Variants in RAPGEF6 observed in about 807,000 individuals in gnomAD.
RAPGEF6 encodes the protein PDZ domain containing guanine nucleotide exchange factor (GEF) 2.
In RAPGEF6, 56 loss-of-function variants were observed where a neutral mutation model predicts 171.4. The observed-to-expected ratio is 0.33, with a 90% CI of 0.26 to 0.41. RAPGEF6 has a LOEUF of 0.41. Ranked by LOEUF, RAPGEF6 falls within the 10% of genes least tolerant of loss-of-function variation. RAPGEF6 has a pLI of 1.00. For missense variants in RAPGEF6, 1,674 were observed against 1,921.4 expected, an observed-to-expected ratio of 0.87 and a Z score of 2.41; for synonymous variants, 692 against 650.1, an observed-to-expected ratio of 1.06 and a Z score of -0.98.
At chr5:131,594,016 C>A (rs1763741217) in intron 3 of RAPGEF6, among the ~76,000 whole-genome samples, 2 of 152,158 alleles carry the variant, frequency 1.3e-5, no homozygotes, top group African/African-American at 4.8e-5. Context: ...TGTTAATAGC[C>A]AACACAATGG....
intron 6 of RAPGEF6, among the ~76,000 whole-genome samples, chr5:131,534,103 C>T (rs1373409878): frequency 6.6e-6 from 1 of 151,904 alleles, no homozygotes; most frequent in Non-Finnish European, 1.5e-5. Flanking sequence ...AATCACTGAA[C>T]AAATCAAAGC....
At chr5:131,601,152 G>A (rs1300509435) in intron 3 of RAPGEF6, among the ~76,000 whole-genome samples, 1 of 151,420 alleles carries the variant, frequency 6.6e-6, no homozygotes, top group Middle Eastern at 3.2e-3. Context: ...GGGAGGCCGA[G>A]GCGGGTGGAT....
intron 4 of RAPGEF6, among the ~76,000 whole-genome samples, chr5:131,562,704 T>C (rs1761680266): frequency 6.6e-6 from 1 of 152,180 alleles, no homozygotes; most frequent in Non-Finnish European, 1.5e-5. Context: ...TAAATAGTTG[T>C]TATGCTTTAT....
At chr5:131,513,083 C>T (rs1757847652) in intron 7 of RAPGEF6, among the ~76,000 whole-genome samples, 1 of 152,150 alleles carries the variant, frequency 6.6e-6, no homozygotes, top group African/African-American at 2.4e-5. Flanking sequence ...TGTTTACTGG[C>T]TATGAAATTA....
At chr5:131,578,965 C>G (rs1762764624) in intron 4 of RAPGEF6, among the ~76,000 whole-genome samples, 1 of 152,154 alleles carries the variant, frequency 6.6e-6, no homozygotes, top group East Asian at 1.9e-4. Flanking sequence ...TCACTAACTT[C>G]AAGAATGAAG....
chr5:131,516,748 T>A (rs534070951), intron 7 of RAPGEF6, among the ~76,000 whole-genome samples: 3 of 152,316 alleles, frequency 2.0e-5, no homozygotes, highest in African/African-American at 7.2e-5. Context: ...CAGAAAATAT[T>A]CTATCTAAGA....
At chr5:131,482,276 A>ATG (rs141980105) in intron 15 of RAPGEF6, among the ~76,000 whole-genome samples, 114,741 of 151,010 alleles carry the variant, frequency 0.76, 43,823 homozygotes, top group Middle Eastern at 0.82. Flanking sequence ...ACGTGTGTGT[A>ATG]TGTGTGTGTG....
intron 1 of RAPGEF6, among the ~76,000 whole-genome samples, chr5:131,607,923 A>G (rs1194535438): frequency 2.6e-5 from 4 of 152,222 alleles, no homozygotes; most frequent in African/African-American, 9.6e-5. Context: ...AGACAAATAT[A>G]TAAAACGTTT....
chr5:131,594,571 C>A (rs1034567517), intron 3 of RAPGEF6, among the ~76,000 whole-genome samples: 1 of 152,222 alleles, frequency 6.6e-6, no homozygotes, highest in African/African-American at 2.4e-5. Context: ...GGGCCATTGT[C>A]CTTCAGACCC....
chr5:131,432,393 C>T (rs368743615), intron 25 of RAPGEF6, among the ~76,000 whole-genome samples: 7 of 151,976 alleles, frequency 4.6e-5, no homozygotes, highest in South Asian at 2.1e-4. Context: ...CCGAGGCGGG[C>T]GGATCACGAG....
intron 21 of RAPGEF6, among the ~76,000 whole-genome samples, chr5:131,452,804 C>T (rs1265207003): frequency 3.9e-5 from 6 of 152,118 alleles, no homozygotes; most frequent in Non-Finnish European, 5.9e-5. Context: ...GAACTATCCA[C>T]ATACAAATAT....
At position 131,430,889 on chromosome 5, in the gene RAPGEF6, C is replaced by CAG; in HGVS notation, c.4433_4434dup (p.Val1479LeufsTer10). On this transcript the variant is annotated frameshift_variant, in exon 26 of 28. Transcript: ENST00000509018. LOFTEE classifies it high-confidence loss of function. ...AAGCCCTTTTCTGTACTTGAAGTGA[C>CAG]AGTTTTATAAACTGGGTCAGTGGCA... The CAG allele has an allele frequency of 6.2e-7, 1 of 1,606,634 alleles. No homozygotes were observed. The highest frequency in any genetic ancestry group is 8.5e-7 in the Non-Finnish European group (1 of 1,177,586).
intron 1 of RAPGEF6, among the ~76,000 whole-genome samples, chr5:131,628,614 G>C (rs1375830495): frequency 2.0e-5 from 3 of 152,148 alleles, no homozygotes; most frequent in Non-Finnish European, 4.4e-5. Context: ...CCTTATATCA[G>C]AAGAAGATGC....
Position 131,635,007 on chromosome 5 carries a change from G to T in RAPGEF6, c.24C>A (p.Gly8=), listed in dbSNP as rs1458584323. Residue 8 remains glycine, a synonymous_variant, in exon 1 of 28, where the codon GGC becomes GGA. Transcript: ENST00000509018. MNSPVDP[G]ARQALRKKPP... is the part of the protein sequence containing the mutation. ...GCTTCTTCCTCAACGCCTGCCTAGC[G>T]CCAGGGTCCACGGGTGAGTTCATGG... is the stretch of plus-strand genomic sequence containing the variant. 3 of 1,613,580 alleles carry T rather than the reference G, an allele frequency of 1.9e-6. No individual in the cohort carries two copies.
At chr5:131,459,461 G>A (rs1229610944) in intron 19 of RAPGEF6, among the ~76,000 whole-genome samples, 1 of 151,992 alleles carries the variant, frequency 6.6e-6, no homozygotes, top group East Asian at 1.9e-4. Flanking sequence ...TGCCAACACT[G>A]GATTCAAACC....
At chr5:131,606,029 C>CAAAAAAAAAAAAAAAAAAAAAA (rs1168486376) in intron 1 of RAPGEF6, among the ~76,000 whole-genome samples, 1 of 70,590 alleles carries the variant, frequency 1.4e-5, no homozygotes, top group Non-Finnish European at 2.3e-5. Flanking sequence ...GACTCCATCT[C>CAAAAAAAAAAAAAAAAAAAAAA]AAAAAAAAAA....
chr5:131,620,232 T>A (rs1176834460), intron 1 of RAPGEF6, among the ~76,000 whole-genome samples: 1 of 152,238 alleles, frequency 6.6e-6, no homozygotes, highest in African/African-American at 2.4e-5. Context: ...TTTTATTCAC[T>A]AGAGACTCTC....
intron 1 of RAPGEF6, among the ~76,000 whole-genome samples, chr5:131,619,646 C>T (rs1765490311): frequency 6.6e-6 from 1 of 152,174 alleles, no homozygotes; most frequent in African/African-American, 2.4e-5. Flanking sequence ...TCCTACCATG[C>T]ATTATGAAGT....
intron 24 of RAPGEF6, 114 bp downstream of exon 24, chr5:131,439,467 G>C (rs1372078884): frequency 7.0e-6 from 10 of 1,428,654 alleles, no homozygotes; most frequent in Non-Finnish European, 8.3e-6. Flanking sequence ...AAAAGCATTA[G>C]GAGTTATGCT....
Sources: allele counts gnomAD v4.1 joint callset (sites outside exome capture counted in the v4.1 genomes callset), GRCh38; gene constraint gnomAD v4.1.1; transcripts MANE v1.5; gene names NCBI Gene and HGNC (gene_info 2026-07-23, HGNC 2026-07-21).